The following MYT1L variants were observed in gnomAD, a reference collection of about 807,000 sequenced individuals.
MYT1L encodes myelin transcription factor 1 like, also known as myelin transcription factor 1-like protein.
A neutral mutation model predicts 126.7 loss-of-function variants in MYT1L; 12 were observed. The observed-to-expected ratio is 0.09, with a 90% CI of 0.06 to 0.15. MYT1L has a LOEUF of 0.15. Among genes scored for constraint, MYT1L ranks in the 10% least tolerant of loss-of-function variants. The pLI is 1.00. For missense variants in MYT1L, 979 were observed against 1,585.2 expected, an observed-to-expected ratio of 0.62 and a Z score of 6.49; for synonymous variants, 541 against 604.2, an observed-to-expected ratio of 0.90 and a Z score of 1.53.
At chr2:1,956,754 T>A (rs2058516711) in intron 8 of MYT1L, among the ~76,000 whole-genome samples, 1 of 152,116 alleles carries the variant, frequency 6.6e-6, no homozygotes. Context: ...TGACAAGAGA[T>A]ATAATATTTT....
At chr2:2,155,267 T>C (rs2086538447) in intron 3 of MYT1L, among the ~76,000 whole-genome samples, 1 of 152,214 alleles carries the variant, frequency 6.6e-6, no homozygotes, top group Non-Finnish European at 1.5e-5. Flanking sequence ...TCACCAAATA[T>C]CTAAAGTATC....
intron 2 of MYT1L, among the ~76,000 whole-genome samples, chr2:2,206,418 T>C (rs578260801): frequency 1.3e-4 from 20 of 152,322 alleles, no homozygotes; most frequent in African/African-American, 4.1e-4. Context: ...ACGTCCATGA[T>C]ATTAGAAAGA....
At chr2:1,886,721 G>C in intron 17 of MYT1L, 114 bp from the exon 18 acceptor site, 1 of 523,860 alleles carries the variant, frequency 1.9e-6, no homozygotes, top group Non-Finnish European at 3.1e-6. Flanking sequence ...CAATGGGCAA[G>C]TGCTGTATAT....
At chr2:1,866,375 T>TGA (rs764041997) in intron 18 of MYT1L, among the ~76,000 whole-genome samples, 7 of 147,936 alleles carry the variant, frequency 4.7e-5, no homozygotes, top group Non-Finnish European at 1.0e-4. Context: ...CTTACGAAGA[T>TGA]GAGAGAGAGA....
intron 3 of MYT1L, among the ~76,000 whole-genome samples, chr2:2,115,737 G>A (rs529794055): frequency 1.7e-4 from 26 of 152,252 alleles, no homozygotes; most frequent in Non-Finnish European, 2.6e-4. Context: ...CAAGGCCCCC[G>A]CGGGAGTGTC....
At chr2:1,982,219 C>T (rs1434844054) in intron 5 of MYT1L, among the ~76,000 whole-genome samples, 2 of 152,196 alleles carry the variant, frequency 1.3e-5, no homozygotes, top group Admixed American at 1.3e-4. Flanking sequence ...ACAGCATTCA[C>T]ATCCATGAGA....
intron 2 of MYT1L, among the ~76,000 whole-genome samples, chr2:2,277,722 C>G (rs1326488190): frequency 1.3e-5 from 2 of 152,050 alleles, no homozygotes; most frequent in Non-Finnish European, 2.9e-5. Flanking sequence ...TAAAGGTAAA[C>G]TACAAATGGT....
intron 3 of MYT1L, among the ~76,000 whole-genome samples, chr2:2,121,860 C>G (rs904900962): frequency 6.6e-6 from 1 of 152,170 alleles, no homozygotes; most frequent in Non-Finnish European, 1.5e-5. Flanking sequence ...GAGGGGGCTG[C>G]GGTCGCCTGT....
intron 18 of MYT1L, among the ~76,000 whole-genome samples, chr2:1,862,275 A>AC (rs1301825765): frequency 1.3e-5 from 2 of 152,046 alleles, no homozygotes; most frequent in African/African-American, 4.8e-5. Context: ...TTTTAAAAAA[A>AC]AATCAAAAAA....
chr2:2,006,067 C>T (rs1401324745), intron 4 of MYT1L, among the ~76,000 whole-genome samples: 1 of 151,854 alleles, frequency 6.6e-6, no homozygotes, highest in African/African-American at 2.4e-5. Flanking sequence ...TTCTTTCCTG[C>T]ATGTGTTCTT....
At chr2:2,065,811 C>T (rs1428256864) in intron 3 of MYT1L, among the ~76,000 whole-genome samples, 1 of 141,400 alleles carries the variant, frequency 7.1e-6, no homozygotes, top group Non-Finnish European at 1.5e-5. Flanking sequence ...GCATATCAAT[C>T]TCTCTCTTTT....
chr2:2,105,898 C>A (rs2078691380), intron 3 of MYT1L, among the ~76,000 whole-genome samples: 1 of 152,178 alleles, frequency 6.6e-6, no homozygotes, highest in Admixed American at 6.5e-5. Flanking sequence ...CATTTCAATA[C>A]AAATATCAGG....
chr2:1,957,841 G>C (rs73910762), intron 8 of MYT1L, among the ~76,000 whole-genome samples: 1,592 of 152,252 alleles, frequency 0.01, 35 homozygotes, highest in African/African-American at 0.037. Context: ...GTGCACACCT[G>C]GCACACAATA....
Position 1,805,651 on chromosome 2 carries a change from C to T in MYT1L, c.3172+3425G>A, listed in dbSNP as rs543143280. 3.3e-4 allele frequency among the ~76,000 whole-genome samples: 50 copies of T among 152,144 alleles called. 1 individual carries two copies. The highest frequency in any genetic ancestry group is 2.5e-3 in the South Asian group (12 of 4,816). ...CTGTAATCCCAGCACTTTGGGAGGC[C>T]GAGGGAGGTGGATTGCTTGAGCTCA... On this transcript the variant is annotated intron_variant, in intron 22 of 24. Coordinates refer to ENST00000647738, the MANE Select transcript of MYT1L (RefSeq NM_001303052.2).
At chr2:2,276,749 G>C (rs1398685605) in intron 2 of MYT1L, among the ~76,000 whole-genome samples, 2 of 152,014 alleles carry the variant, frequency 1.3e-5, no homozygotes, top group Non-Finnish European at 2.9e-5. Flanking sequence ...ATACAAGACT[G>C]TCCTCTCCAT....
At chr2:1,850,862 C>T (rs1378899460) in intron 19 of MYT1L, among the ~76,000 whole-genome samples, 1 of 152,120 alleles carries the variant, frequency 6.6e-6, no homozygotes, top group African/African-American at 2.4e-5. Flanking sequence ...GGTTGTAAAT[C>T]CCCACTTGTC....
chr2:1,842,841 A>T (rs2148423225), intron 19 of MYT1L: 1 of 142,390 alleles, frequency 7.0e-6, no homozygotes, highest in South Asian at 2.0e-4. Flanking sequence ...TTGATGTCAC[A>T]CCCAAGGCCT....
In MYT1L at chr2:2,065,129, T is replaced by C. The variant is rs542563407; in HGVS notation, c.-303-11006A>G. Among the ~76,000 whole-genome samples, 6 of 152,174 alleles carry C rather than the reference T, an allele frequency of 3.9e-5. No homozygotes were observed. In the South Asian group the frequency reaches 1.0e-3, roughly 26 times the overall value. On this transcript the variant is annotated intron_variant, in intron 3 of 24. Transcript: ENST00000647738. ...AGAAGCATAACTTGGGCCCGGAAGA[T>C]TGAGGCTGCCGTGAGCCATGATAGT...
chr2:2,090,559 C>T (rs1209789169), intron 3 of MYT1L, among the ~76,000 whole-genome samples: 2 of 152,236 alleles, frequency 1.3e-5, no homozygotes, highest in East Asian at 3.9e-4. Context: ...ATCAGGGTGG[C>T]AGTTGTTGAA....
Sources: gnomAD v4.1 joint callset for allele counts (sites outside exome capture counted in the v4.1 genomes callset) on GRCh38, gnomAD v4.1.1 for gene constraint, MANE v1.5 for transcripts, NCBI Gene and HGNC (gene_info 2026-07-23, HGNC 2026-07-21) for gene names.